Variants in LMO7 observed in about 807,000 individuals in gnomAD.
The protein encoded by LMO7 is LIM domain 7.
In LMO7, 120 loss-of-function variants were observed where a neutral mutation model predicts 206.5. The ratio of observed to expected loss-of-function variants is 0.58; its 90% CI spans 0.50 to 0.68. LMO7 has a LOEUF of 0.68. Among genes scored for constraint, LMO7 ranks in the 30% least tolerant of loss-of-function variants. The probability of loss-of-function intolerance (pLI) is 0.00; values close to 1 mark genes in which losing one functional copy is unlikely to be tolerated. For missense variants in LMO7, 1,959 were observed against 1,957.9 expected (o/e 1.00, Z -0.01); for synonymous variants, 706 against 681.5 (o/e 1.04, Z -0.56).
Position 75,834,372 on chromosome 13 carries a change from C to T in LMO7, c.3211C>T (p.Arg1071Cys), listed in dbSNP as rs369234596. 61 of 1,596,698 alleles carry T rather than the reference C, an allele frequency of 3.8e-5. No homozygotes were observed. In the African/African-American group the frequency reaches 4.7e-4, roughly 12 times the overall value. ...ETGHLVMDVR[R>C]YGKAGSPETK... ...TGGACACCTAGTGATGGATGTGAGG[C>T]GCTATGGAAAGGCTGGTGAGTTTGT... Residue 1071 changes from arginine (R) to cysteine (C), a missense_variant, in exon 17 of 31, where the codon CGC becomes TGC. By Grantham distance (180) the Arg-to-Cys change is radical (BLOSUM62 -3). Coordinates refer to ENST00000377534, the MANE Select transcript of LMO7 (RefSeq NM_001306080.2).
chr13:75,643,097 C>T (rs1486028169), intron 1 of LMO7, among the ~76,000 whole-genome samples: 1 of 152,142 alleles, frequency 6.6e-6, no homozygotes, highest in Non-Finnish European at 1.5e-5. Context: ...GGATTGGACC[C>T]CAGGGAGTAT....
At chr13:75,830,361 A>G (rs1412493708) in intron 15 of LMO7, among the ~76,000 whole-genome samples, 1 of 152,186 alleles carries the variant, frequency 6.6e-6, no homozygotes, top group African/African-American at 2.4e-5. Context: ...CCTTCTGTGT[A>G]GTGGTTTGGA....
chr13:75,839,161 TG>T (rs1177202710), intron 20 of LMO7, among the ~76,000 whole-genome samples: 1 of 152,236 alleles, frequency 6.6e-6, no homozygotes, highest in Non-Finnish European at 1.5e-5. Flanking sequence ...TTAGTGTTTT[TG>T]ATTTATATTT....
chr13:75,857,893 T>C lies in LMO7; in HGVS notation c.4874-28T>C, dbSNP rs113388176. ...ATTCACGTTTCTGAATCTAAGCACT[T>C]TTCTTTCTTTTCTCCTTGCCCGATC... On this transcript the variant is annotated intron_variant, in intron 30 of 30. Coordinates refer to ENST00000377534, the MANE Select transcript of LMO7 (RefSeq NM_001306080.2). The C allele has an allele frequency of 1.2e-3, 1,841 of 1,554,002 alleles. 18 individuals are homozygous for C. The African/African-American group carries it at 0.022, about 19-fold the overall frequency.
chr13:75,731,582 C>T (rs1338871409), intron 3 of LMO7, among the ~76,000 whole-genome samples: 3 of 152,012 alleles, frequency 2.0e-5, no homozygotes, highest in Non-Finnish European at 4.4e-5. Context: ...ACTCTTTATC[C>T]AATTTGCCAG....
intron 3 of LMO7, among the ~76,000 whole-genome samples, chr13:75,759,971 C>T (rs888500659): frequency 6.6e-6 from 1 of 152,118 alleles, no homozygotes; most frequent in African/African-American, 2.4e-5. Context: ...GAGGCCACCC[C>T]TTTACCAGCG....
intron 8 of LMO7, chr13:75,804,827 C>T (rs1233862748): frequency 3.6e-6 from 4 of 1,102,390 alleles, no homozygotes; most frequent in Non-Finnish European, 4.4e-6. Context: ...CATGATGAGC[C>T]ATGCCATGTA....
At chr13:75,834,876 A>G (rs2058992311) in intron 17 of LMO7, among the ~76,000 whole-genome samples, 1 of 152,154 alleles carries the variant, frequency 6.6e-6, no homozygotes. Flanking sequence ...CTGCAGACCT[A>G]CCAACTTATG....
rs146792864 is a variant in LMO7, at chr13:75,840,098, G to T, written c.3465G>T (p.Ser1155=). 3 of 1,613,572 alleles carry T rather than the reference G, an allele frequency of 1.9e-6. No homozygotes were observed. The highest frequency in any genetic ancestry group is 1.7e-5 in the Admixed American group (1 of 60,012). Residue 1155 remains serine, a synonymous_variant, in exon 21 of 31, where the codon TCG becomes TCT. Coordinates refer to ENST00000377534, the MANE Select transcript of LMO7 (RefSeq NM_001306080.2). ...SQFFEQGSSD[S]VVPDLPVPTI... ...GCTGCAACACAGGAAGCTCTGATTC[G>T]GTGGTTCCTGATGTAAGTAGCATTC...
chr13:75,723,046 G>A (rs1034580275), intron 2 of LMO7, among the ~76,000 whole-genome samples: 4 of 152,004 alleles, frequency 2.6e-5, no homozygotes, highest in Admixed American at 2.6e-4. Context: ...AGGGATAAAA[G>A]ACTACATATT....
chr13:75,722,543 A>G (rs1239420462), intron 2 of LMO7, among the ~76,000 whole-genome samples: 2 of 152,146 alleles, frequency 1.3e-5, no homozygotes, highest in Non-Finnish European at 2.9e-5. Flanking sequence ...ATTAAAAAAA[A>G]AATAGTTGTT....
chr13:75,628,150 T>G (rs2034458910), intron 2 of LMO7: 1 of 152,222 alleles, frequency 6.6e-6, no homozygotes, highest in African/African-American at 2.4e-5. Context: ...ATCTATCCCT[T>G]CTCAGTTAAC....
intron 1 of LMO7, among the ~76,000 whole-genome samples, chr13:75,709,018 G>A (rs535022094): frequency 3.3e-5 from 5 of 151,734 alleles, no homozygotes; most frequent in East Asian, 1.9e-4. Flanking sequence ...TCATTGTTCA[G>A]TTCCCACCTA....
intron 3 of LMO7, among the ~76,000 whole-genome samples, chr13:75,756,355 T>G (rs1266622076): frequency 6.6e-6 from 1 of 152,168 alleles, no homozygotes; most frequent in Non-Finnish European, 1.5e-5. Flanking sequence ...CTGAAAGGAA[T>G]AGAGAATCAT....
chr13:75,682,932 C>T (rs561990103), intron 1 of LMO7, among the ~76,000 whole-genome samples: 20 of 152,226 alleles, frequency 1.3e-4, no homozygotes, highest in South Asian at 1.2e-3. Flanking sequence ...TATGTATCTT[C>T]GATGAAGTGT....
At chr13:75,794,914 G>A (rs1411537166) in intron 4 of LMO7, among the ~76,000 whole-genome samples, 1 of 151,828 alleles carries the variant, frequency 6.6e-6, no homozygotes, top group African/African-American at 2.4e-5. Flanking sequence ...TGGGGAACTT[G>A]GATGAAAAAC....
At chr13:75,639,800 A>C (rs2036341823) in intron 1 of LMO7, among the ~76,000 whole-genome samples, 1 of 152,212 alleles carries the variant, frequency 6.6e-6, no homozygotes, top group Non-Finnish European at 1.5e-5. Context: ...ATACAATAGT[A>C]ATTTTTATGG....
upstream of LMO7, among the ~76,000 whole-genome samples, chr13:75,633,801 C>T (rs1213379044): frequency 6.8e-6 from 1 of 148,062 alleles, no homozygotes; most frequent in Non-Finnish European, 1.5e-5. Context: ...GTGAAAATAG[C>T]ATTATGTTTA....
chr13:75,710,447 ATTTG>A (rs1169728048), intron 1 of LMO7, among the ~76,000 whole-genome samples: 3 of 152,160 alleles, frequency 2.0e-5, no homozygotes, highest in Non-Finnish European at 4.4e-5. Flanking sequence ...ATGTTCTTCC[ATTTG>A]TTTGTATCCT....
Sources: gnomAD v4.1 joint callset for allele counts (sites outside exome capture counted in the v4.1 genomes callset) on GRCh38, gnomAD v4.1.1 for gene constraint, MANE v1.5 for transcripts, NCBI Gene and HGNC (gene_info 2026-07-23, HGNC 2026-07-21) for gene names.